The following FGF9 variants were observed in gnomAD, a reference collection of about 807,000 sequenced individuals.
FGF9 encodes the protein fibroblast growth factor 9, also known as fibroblast growth factor 9 (glia-activating factor).
FGF9 carries 3 observed loss-of-function variants against 19.9 expected under a neutral mutation model. The ratio of observed to expected loss-of-function variants is 0.15; its 90% CI spans 0.07 to 0.39. The LOEUF is 0.39. Ranked by LOEUF, FGF9 falls within the 10% of genes least tolerant of loss-of-function variation. The probability of loss-of-function intolerance (pLI) is 1.00; values close to 1 mark genes in which losing one functional copy is unlikely to be tolerated. For missense variants in FGF9, 175 were observed against 256.8 expected (o/e 0.68, Z 2.18); for synonymous variants, 107 against 106.9 (o/e 1.00, Z -0.01).
intron 2 of FGF9, among the ~76,000 whole-genome samples, chr13:21,689,947 C>T (rs1282228705): frequency 2.0e-5 from 3 of 152,226 alleles, no homozygotes; most frequent in African/African-American, 7.2e-5. Flanking sequence ...ATTCCTTCCT[C>T]TCACCTCTCC....
At position 21,701,627 on chromosome 13, in the gene FGF9, T is replaced by C; in HGVS notation, c.*192T>C. On this transcript the variant is annotated 3_prime_UTR_variant, in exon 3 of 3. Transcript: ENST00000382353. The stretch of plus-strand genomic sequence containing the variant: ...TTCTGCACTTAAAGGCTTCTCCTCC[T>C]GGAGGGCTGCCTAGGGCCACTTGCT... 1.4e-6 allele frequency: 1 copy of C among 716,340 alleles called. No homozygotes were observed. The highest frequency in any genetic ancestry group is 1.8e-5 in the South Asian group (1 of 55,664). 44.4% of individuals were successfully genotyped at this position (716,340 alleles called of 1,614,324 possible).
intron 1 of FGF9, among the ~76,000 whole-genome samples, chr13:21,679,712 G>A (rs995822611): frequency 6.7e-6 from 1 of 150,278 alleles, no homozygotes; most frequent in East Asian, 2.0e-4. Context: ...GCCGAGGCGG[G>A]TCGATCACGA....
At chr13:21,684,151 G>A (rs896680544) in intron 2 of FGF9, among the ~76,000 whole-genome samples, 3 of 152,162 alleles carry the variant, frequency 2.0e-5, no homozygotes, top group African/African-American at 4.8e-5. Flanking sequence ...TACTTCTTCT[G>A]CAAAACCTTC....
chr13:21,694,723 T>A (rs1414326328), intron 2 of FGF9, among the ~76,000 whole-genome samples: 1 of 152,248 alleles, frequency 6.6e-6, no homozygotes, highest in Admixed American at 6.5e-5. Context: ...ATGTTAAATT[T>A]GATGAATTTT....
rs1353154409 is a variant in FGF9 at position 21,701,992 on chromosome 13, A to T, written c.*557A>T. On this transcript the variant is annotated 3_prime_UTR_variant, in exon 3 of 3. Transcript: ENST00000382353. ...AAGCAAAGACCTCTTAGTAAAAAAT[A>T]AAAAAAAATAAAAAATAAAAATAAA... 1 of 150,800 alleles carries T rather than the reference A, an allele frequency of 6.6e-6. No individual in the cohort carries two copies. The highest frequency in any genetic ancestry group is 1.5e-5 in the Non-Finnish European group (1 of 67,640). 9.3% of individuals were successfully genotyped at this position (150,800 alleles called of 1,614,324 possible).
intron 2 of FGF9, among the ~76,000 whole-genome samples, chr13:21,690,308 TCA>T (rs997729066): frequency 7.9e-5 from 12 of 152,148 alleles, no homozygotes; most frequent in African/African-American, 2.7e-4. Context: ...ACTCATTTGC[TCA>T]CACACATTCT....
intron 1 of FGF9, among the ~76,000 whole-genome samples, chr13:21,679,752 C>A (rs1871996276): frequency 7.6e-6 from 1 of 131,766 alleles, no homozygotes. Flanking sequence ...TCCTGGCTAA[C>A]ACAGTGAAAC....
rs1031267546 is a variant in FGF9 at position 21,672,896 on chromosome 13, G to C, written c.277+707G>C. Among the ~76,000 whole-genome samples the C allele has an allele frequency of 7.6e-6, 1 of 132,296 alleles. No homozygotes were observed. The highest frequency in any genetic ancestry group is 7.3e-5 in the Admixed American group (1 of 13,654). The allele number at this position is 132,296 out of a possible 152,430, so 86.8% of individuals were successfully genotyped here. A position where few individuals can be genotyped will look rare whatever the true frequency, so the allele number is the denominator to read the frequency against. On this transcript the variant is annotated intron_variant, in intron 1 of 2. Coordinates refer to ENST00000382353, the MANE Select transcript of FGF9 (RefSeq NM_002010.3). The surrounding 1 kb of genome is among the most constrained non-coding windows in gnomAD (Gnocchi z 4.2). The stretch of plus-strand genomic sequence containing the variant: ...TTCCATAGTGTGCAGCCCTGTGTAG[G>C]TCTCCTGCGTGGCTCTCTGGTGTGA...
Position 21,672,029 on chromosome 13 carries a change from G to A in FGF9, c.117G>A (p.Gln39=), listed in dbSNP as rs1428025713. ...TTTTGTTAAGTGACCACCTGGGTCA[G>A]TCCGAAGCAGGGGGGCTCCCCAGGG... The part of the protein sequence containing the change: ...SPVLLSDHLG[Q]SEAGGLPRGP... The change falls in exon 1 of 3, where the codon CAG becomes CAA. Residue 39 remains glutamine (Q), a synonymous_variant. Transcript: ENST00000382353. The surrounding 1 kb of genome is among the most constrained non-coding windows in gnomAD (Gnocchi z 4.2). 1.9e-6 allele frequency: 3 copies of A among 1,614,252 alleles called. No individual in the cohort carries two copies. In the Admixed American group the frequency reaches 5.0e-5, roughly 27 times the overall value.
intron 2 of FGF9, among the ~76,000 whole-genome samples, chr13:21,698,596 A>T (rs1180620499): frequency 6.6e-6 from 1 of 152,178 alleles, no homozygotes; most frequent in Non-Finnish European, 1.5e-5. Flanking sequence ...AGGCTTTCCC[A>T]TCACATAAAC....
At chr13:21,688,984 A>G (rs1309196820) in intron 2 of FGF9, among the ~76,000 whole-genome samples, 3 of 152,156 alleles carry the variant, frequency 2.0e-5, no homozygotes, top group Admixed American at 6.5e-5. Flanking sequence ...CAGGTTTGGG[A>G]AAGGATTATT....
intron 2 of FGF9, among the ~76,000 whole-genome samples, chr13:21,690,275 C>T (rs1872256217): frequency 6.6e-6 from 1 of 152,160 alleles, no homozygotes; most frequent in African/African-American, 2.4e-5. Flanking sequence ...CTCCCATTCA[C>T]ACAAGTACTC....
intron 1 of FGF9, among the ~76,000 whole-genome samples, chr13:21,677,253 A>ATG (rs1871939570): frequency 6.6e-6 from 1 of 152,144 alleles, no homozygotes; most frequent in Non-Finnish European, 1.5e-5. Flanking sequence ...CATGGTACAC[A>ATG]TGTGTGTGCC....
At chr13:21,673,443 G>T (rs1168073017) in intron 1 of FGF9, among the ~76,000 whole-genome samples, 1 of 152,118 alleles carries the variant, frequency 6.6e-6, no homozygotes, top group Non-Finnish European at 1.5e-5. Flanking sequence ...CTGAGCCTAA[G>T]CCCACAGCTG....
intron 2 of FGF9, among the ~76,000 whole-genome samples, chr13:21,693,836 A>G (rs991722949): frequency 6.6e-6 from 1 of 152,016 alleles, no homozygotes; most frequent in African/African-American, 2.4e-5. Flanking sequence ...TGAAACAGCA[A>G]TCTCATTCTC....
intron 2 of FGF9, among the ~76,000 whole-genome samples, chr13:21,693,780 G>GC (rs1003492519): frequency 6.6e-6 from 1 of 152,144 alleles, no homozygotes; most frequent in African/African-American, 2.4e-5. Context: ...GAGAAGGAGA[G>GC]CCCCTGGGGC....
chr13:21,679,818 G>A (rs183568310), intron 1 of FGF9, among the ~76,000 whole-genome samples: 22 of 151,496 alleles, frequency 1.5e-4, no homozygotes, highest in African/African-American at 4.4e-4. Flanking sequence ...GCCCAGCGTG[G>A]TGGCTGTCCC....
intron 2 of FGF9, among the ~76,000 whole-genome samples, chr13:21,700,012 TGTG>T (rs1565954490): frequency 1.0e-5 from 1 of 97,782 alleles, no homozygotes; most frequent in African/African-American, 3.8e-5. Flanking sequence ...AGCTTTGGGA[TGTG>T]GTGTGTGTGT....
rs142134569 is a variant in FGF9, at chr13:21,678,572, T to C, written c.278-2470T>C. On this transcript the variant is annotated intron_variant, in intron 1 of 2. Coordinates refer to ENST00000382353, the MANE Select transcript of FGF9 (RefSeq NM_002010.3). Reference sequence around the variant, plus strand: ...CTGTTATTTTTTTTTCTTGATGTTCTGCAGACCAGCCAGTGAAAAGGTTTT... The same window carrying C: ...CTGTTATTTTTTTTTCTTGATGTTCCGCAGACCAGCCAGTGAAAAGGTTTT... 1.2e-4 allele frequency among the ~76,000 whole-genome samples: 19 copies of C among 152,318 alleles called. No individual in the cohort carries two copies. The East Asian group carries it at 3.3e-3, about 26-fold the overall frequency.
Sources: gnomAD v4.1 joint callset for allele counts (sites outside exome capture counted in the v4.1 genomes callset) on GRCh38, gnomAD v4.1.1 for gene constraint, Gnocchi (gnomAD v3.1) non-coding constraint, MANE v1.5 for transcripts, NCBI Gene and HGNC (gene_info 2026-07-23, HGNC 2026-07-21) for gene names.